TMEM163: variants seen among roughly 807,000 people sequenced by gnomAD.
The protein encoded by TMEM163 is transmembrane protein 163.
TMEM163 carries 17 observed loss-of-function variants against 29.3 expected under a neutral mutation model. The ratio of observed to expected loss-of-function variants is 0.58; its 90% CI spans 0.40 to 0.87. The LOEUF (loss-of-function observed/expected upper bound fraction) is 0.87. Among genes scored for constraint, TMEM163 ranks in the 40% least tolerant of loss-of-function variants. TMEM163 has a pLI of 0.00. For synonymous variants in TMEM163, 157 were observed against 160.6 expected (o/e 0.98, Z 0.17); for missense variants, 303 against 381.5 (o/e 0.79, Z 1.71).
intron 5 of TMEM163, among the ~76,000 whole-genome samples, chr2:134,481,672 C>T (rs903885786): frequency 1.3e-5 from 2 of 152,014 alleles, no homozygotes; most frequent in Admixed American, 1.3e-4. Flanking sequence ...GGAGTTGGGC[C>T]GTTGTTGATG....
intron 2 of TMEM163, among the ~76,000 whole-genome samples, chr2:134,623,433 C>A (rs1030886921): frequency 1.3e-5 from 2 of 152,118 alleles, no homozygotes; most frequent in African/African-American, 2.4e-5. Context: ...ACGGGAAAAA[C>A]CAGAAAGTTC....
chr2:134,667,541 A>C (rs889711759), intron 2 of TMEM163, among the ~76,000 whole-genome samples: 1 of 152,236 alleles, frequency 6.6e-6, no homozygotes, highest in African/African-American at 2.4e-5. Context: ...TTCTGATGCC[A>C]TGTGTCATTA....
chr2:134,552,244 A>G (rs1680946062), intron 2 of TMEM163, among the ~76,000 whole-genome samples, 153 bp from the exon 3 acceptor site: 1 of 152,236 alleles, frequency 6.6e-6, no homozygotes, highest in African/African-American at 2.4e-5. Flanking sequence ...AAGAATTTTT[A>G]AAAATGAAGA....
chr2:134,718,140 G>A (rs1372593907), intron 1 of TMEM163, among the ~76,000 whole-genome samples: 1 of 152,244 alleles, frequency 6.6e-6, no homozygotes, highest in Non-Finnish European at 1.5e-5. Context: ...GACGGGGCAG[G>A]GACCCACTGT....
intron 4 of TMEM163, among the ~76,000 whole-genome samples, chr2:134,504,039 C>T (rs1229180982): frequency 6.6e-6 from 1 of 152,178 alleles, no homozygotes; most frequent in Non-Finnish European, 1.5e-5. Flanking sequence ...TTGGTGGCCT[C>T]CTGAGCAATC....
chr2:134,555,283 G>A (rs1357656204), intron 2 of TMEM163, among the ~76,000 whole-genome samples: 1 of 152,160 alleles, frequency 6.6e-6, no homozygotes, highest in Non-Finnish European at 1.5e-5. Context: ...CAACTTCCAT[G>A]GGGTTTTCAC....
At chr2:134,695,860 G>A (rs943705522) in intron 2 of TMEM163, among the ~76,000 whole-genome samples, 7 of 152,098 alleles carry the variant, frequency 4.6e-5, no homozygotes, top group African/African-American at 1.2e-4. Flanking sequence ...AGACCAGCCC[G>A]GCCAATATGG....
intron 2 of TMEM163, among the ~76,000 whole-genome samples, chr2:134,705,576 T>A (rs937230362): frequency 2.6e-4 from 39 of 152,230 alleles, no homozygotes; most frequent in Non-Finnish European, 4.6e-4. Flanking sequence ...CCTGCTGGGG[T>A]AGGAGCAGGG....
At chr2:134,468,298 C>T (rs13009545) in intron 5 of TMEM163, 5,591 of 152,262 alleles carry the variant, frequency 0.037, 162 homozygotes, top group South Asian at 0.13. Flanking sequence ...TTGCCCCCTC[C>T]GCATGTGAGG....
intron 2 of TMEM163, among the ~76,000 whole-genome samples, chr2:134,592,528 G>C (rs536560442): frequency 6.6e-6 from 1 of 152,146 alleles, no homozygotes; most frequent in Non-Finnish European, 1.5e-5. Flanking sequence ...TCAGTGTTAG[G>C]ATCTCTATTT....
intron 2 of TMEM163, among the ~76,000 whole-genome samples, chr2:134,601,151 A>G (rs759853318): frequency 4.6e-5 from 7 of 152,208 alleles, no homozygotes; most frequent in Admixed American, 3.3e-4. Context: ...AGATGAATAT[A>G]TTAACAATAT....
At chr2:134,465,198 A>AAACAAAAAC (rs1553471768) in intron 6 of TMEM163, among the ~76,000 whole-genome samples, 2,243 of 144,402 alleles carry the variant, frequency 0.016, 65 homozygotes, top group African/African-American at 0.043. Flanking sequence ...TTAAAAAAAA[A>AAACAAAAAC]AAAAACAAAA....
intron 2 of TMEM163, among the ~76,000 whole-genome samples, chr2:134,634,333 C>A (rs1394171464): frequency 6.6e-6 from 1 of 152,120 alleles, no homozygotes; most frequent in African/African-American, 2.4e-5. Context: ...TACAAAGCTG[C>A]TCTGTGCCTC....
rs145622672 is a variant in TMEM163 at position 134,657,498 on chromosome 2, T to G, written c.322+55702A>C. On this transcript the variant is annotated intron_variant, in intron 2 of 7. Coordinates refer to ENST00000281924, the MANE Select transcript of TMEM163 (RefSeq NM_030923.5). ...GTGGGAGCTAAACATTGAGTACTTA[T>G]GAACATAAAGATGGGAACAACAGGC... 4.8e-4 allele frequency among the ~76,000 whole-genome samples: 73 copies of G among 152,300 alleles called. 1 individual carries two copies. The East Asian group carries it at 9.8e-3, about 21-fold the overall frequency.
intron 5 of TMEM163, among the ~76,000 whole-genome samples, chr2:134,495,195 T>C (rs1679523015): frequency 6.6e-6 from 1 of 152,054 alleles, no homozygotes; most frequent in Non-Finnish European, 1.5e-5. Flanking sequence ...CCTGGGAAGG[T>C]GGCTTGGCCA....
chr2:134,485,070 A>T (rs2106480679), intron 5 of TMEM163, among the ~76,000 whole-genome samples: 1 of 152,322 alleles, frequency 6.6e-6, no homozygotes, highest in South Asian at 2.1e-4. Context: ...AACCAGTGAG[A>T]GATACACAGG....
chr2:134,512,886 G>A (rs1055388697), intron 4 of TMEM163, among the ~76,000 whole-genome samples: 4 of 152,212 alleles, frequency 2.6e-5, no homozygotes, highest in Non-Finnish European at 5.9e-5. Flanking sequence ...GGAGAGCAGC[G>A]TGCAGGCTGT....
intron 5 of TMEM163, among the ~76,000 whole-genome samples, chr2:134,481,158 C>T (rs1021533583): frequency 2.0e-5 from 3 of 152,176 alleles, no homozygotes; most frequent in African/African-American, 7.2e-5. Context: ...CATCTTGTTG[C>T]AGACATCAGC....
chr2:134,510,532 C>T (rs574864679), intron 4 of TMEM163, among the ~76,000 whole-genome samples: 3 of 152,214 alleles, frequency 2.0e-5, no homozygotes, highest in Non-Finnish European at 2.9e-5. Flanking sequence ...GATGACTCTA[C>T]GCACGGGCCA....
Sources: allele counts gnomAD v4.1 joint callset (sites outside exome capture counted in the v4.1 genomes callset), GRCh38; gene constraint gnomAD v4.1.1; transcripts MANE v1.5; gene names NCBI Gene and HGNC (gene_info 2026-07-23, HGNC 2026-07-21).